The following LRP8 variants were observed in gnomAD, a reference collection of about 807,000 sequenced individuals.
The protein encoded by LRP8 is LDL receptor related protein 8.
Under a neutral mutation model 111.6 loss-of-function variants are expected in LRP8, and 46 were observed. That is an observed-to-expected ratio of 0.41 (90% CI 0.33 to 0.53). The LOEUF (loss-of-function observed/expected upper bound fraction) is 0.53. LRP8 is among the 20% of genes least tolerant of loss of function. The pLI is 0.20. For missense variants in LRP8, 959 were observed against 1,297.4 expected (o/e 0.74, Z 4.01); for synonymous variants, 464 against 511.2 (o/e 0.91, Z 1.24).
At chr1:53,318,214 T>C (rs1427173370) in intron 2 of LRP8, among the ~76,000 whole-genome samples, 1 of 151,238 alleles carries the variant, frequency 6.6e-6, no homozygotes, top group Non-Finnish European at 1.5e-5. Context: ...CTGAGAAGAA[T>C]GAAGGAACAG....
chr1:53,288,791 G>A (rs1195101690), intron 3 of LRP8, among the ~76,000 whole-genome samples: 3 of 152,172 alleles, frequency 2.0e-5, no homozygotes, highest in South Asian at 2.1e-4. Context: ...CTGGACTGCT[G>A]GGTCCTTCCC....
rs940057236 is a variant in LRP8, at chr1:53,243,304, T to C, written c.*3714A>G. The C allele has an allele frequency of 3.3e-5, 5 of 152,180 alleles. No homozygotes were observed. Among genetic ancestry groups the C allele is most frequent in the Admixed American group, 6.5e-5 (1 of 15,280 alleles). The allele number at this position is 152,180 out of a possible 1,614,324, so 9.4% of individuals were successfully genotyped here. A position where few individuals can be genotyped will look rare whatever the true frequency, so the allele number is the denominator to read the frequency against. On this transcript the variant is annotated 3_prime_UTR_variant, in exon 19 of 19. Transcript: ENST00000306052. ...ACATTTTCGTTTTTCTTTCTCACAG[T>C]TGAGAAAATCTAAGAGGCTCTCGAC...
intron 6 of LRP8, chr1:53,274,660 G>A (rs1452444288): frequency 2.2e-6 from 1 of 456,114 alleles, no homozygotes; most frequent in East Asian, 7.0e-5. Flanking sequence ...GGGATGGTAG[G>A]AGACTGAGTC....
intron 1 of LRP8, among the ~76,000 whole-genome samples, 168 bp downstream of exon 1, chr1:53,327,621 G>T (rs1390130971): frequency 3.3e-5 from 5 of 151,356 alleles, no homozygotes; most frequent in Admixed American, 6.5e-5. Context: ...GCCCGCGGGG[G>T]CGGGGGGCCG....
intron 2 of LRP8, chr1:53,291,764 A>G (rs1384780804): frequency 6.6e-6 from 1 of 152,220 alleles, no homozygotes; most frequent in Non-Finnish European, 1.5e-5. Flanking sequence ...GCAGTCAGAG[A>G]CATTAGATAA....
chr1:53,295,401 C>G (rs967485169), intron 2 of LRP8, among the ~76,000 whole-genome samples: 1 of 152,146 alleles, frequency 6.6e-6, no homozygotes, highest in South Asian at 2.1e-4. Context: ...GAGTTGTTCA[C>G]CAAGTTGTGC....
Position 53,291,404 on chromosome 1 carries a change from G to T in LRP8, c.245-1715C>A, listed in dbSNP as rs773591410. Among the ~76,000 whole-genome samples, 4 of 152,200 alleles carry T rather than the reference G, an allele frequency of 2.6e-5. No individual in the cohort carries two copies. In the South Asian group the frequency reaches 6.2e-4, roughly 24 times the overall value. On this transcript the variant is annotated intron_variant, in intron 2 of 18. Coordinates refer to ENST00000306052, the MANE Select transcript of LRP8 (RefSeq NM_004631.5). ...CTTAGAAGTCCCGTGGCCCCAGCCT[G>T]CCCCGCTCCCTCATCTTCCCCTCCT...
At chr1:53,260,970 A>G (rs1373512369) in intron 12 of LRP8, among the ~76,000 whole-genome samples, 1 of 152,184 alleles carries the variant, frequency 6.6e-6, no homozygotes, top group Non-Finnish European at 1.5e-5. Flanking sequence ...TATGAGGGTT[A>G]TGCCTTGCTG....
chr1:53,264,711 G>C (rs56391262), intron 9 of LRP8, among the ~76,000 whole-genome samples: 1,690 of 152,306 alleles, frequency 0.011, 33 homozygotes, highest in African/African-American at 0.039. Flanking sequence ...TGCCTCATCC[G>C]AGAGGGCGGG....
rs1413286928 is a variant in LRP8, at chr1:53,294,993, C to T, written c.245-5304G>A. On this transcript the variant is annotated intron_variant, in intron 2 of 18. Coordinates refer to ENST00000306052, the MANE Select transcript of LRP8 (RefSeq NM_004631.5). This position sits in a 1 kb window ranked among gnomAD's most constrained non-coding sequence, Gnocchi z 4.1. The stretch of plus-strand genomic sequence containing the variant: ...GTCCTGCCGTGTTGGACTCCAGGGT[C>T]TTGAGGCCCCCTACGTGGGTCTCCC... Among the ~76,000 whole-genome samples, 1 of 152,242 alleles carries T rather than the reference C, an allele frequency of 6.6e-6. No homozygotes were observed. Among genetic ancestry groups the T allele is most frequent in the Non-Finnish European group, 1.5e-5 (1 of 68,040 alleles).
At chr1:53,261,593 G>A (rs573091062) in intron 12 of LRP8, among the ~76,000 whole-genome samples, 17 of 152,334 alleles carry the variant, frequency 1.1e-4, no homozygotes, top group African/African-American at 4.1e-4. Flanking sequence ...TTTGCTGGGA[G>A]CTTCTTGAGA....
intron 2 of LRP8, among the ~76,000 whole-genome samples, chr1:53,304,810 G>A (rs1037653137): frequency 6.6e-6 from 1 of 152,220 alleles, no homozygotes; most frequent in Non-Finnish European, 1.5e-5. Flanking sequence ...GGACAGACAT[G>A]GCTGTGGGAG....
Position 53,294,801 on chromosome 1 carries a change from C to G in LRP8, c.245-5112G>C, listed in dbSNP as rs1241636840. ...AATCACTCAGCACTTCTTGGCTTCC[C>G]CCGCCTCCAGAGACATCCTTCCCTG... is the stretch of plus-strand genomic sequence containing the variant. On this transcript the variant is annotated intron_variant, in intron 2 of 18. Coordinates refer to ENST00000306052, the MANE Select transcript of LRP8 (RefSeq NM_004631.5). The surrounding 1 kb of genome is among the most constrained non-coding windows in gnomAD (Gnocchi z 4.1). 6.6e-6 allele frequency among the ~76,000 whole-genome samples: 1 copy of G among 152,224 alleles called. No homozygotes were observed. Among genetic ancestry groups the G allele is most frequent in the African/African-American group, 2.4e-5 (1 of 41,462 alleles).
chr1:53,261,440 T>A (rs1646336360), intron 12 of LRP8, among the ~76,000 whole-genome samples: 1 of 152,160 alleles, frequency 6.6e-6, no homozygotes, highest in Non-Finnish European at 1.5e-5. Context: ...CAGACCATCA[T>A]CCCTTTGCTT....
intron 3 of LRP8, 46 bp from the exon 4 acceptor site, chr1:53,280,761 G>A (rs200390840): frequency 6.9e-6 from 11 of 1,601,966 alleles, no homozygotes; most frequent in Non-Finnish European, 8.5e-6. Flanking sequence ...GGGGGACACA[G>A]GGCATGGTGC....
At chr1:53,258,507 A>G (rs1329610351) in intron 13 of LRP8, 36 bp from the exon 14 acceptor site, 6 of 1,601,094 alleles carry the variant, frequency 3.7e-6, no homozygotes, top group Non-Finnish European at 5.1e-6. Context: ...GGGCACAGAC[A>G]GGACATGCCA....
At position 53,250,698 on chromosome 1, in the gene LRP8, A is replaced by G; in HGVS notation, c.2668T>C (p.Tyr890His). The stretch of plus-strand genomic sequence containing the variant: ...CAGTGAGAAATACTTACTGCAGGAT[A>G]GACATGGCCAATCTGAGCAGTTCTC... Reference protein sequence around the residue: ...IGRTAQIGHVYPAAISSFDRP... With the variant: ...IGRTAQIGHVHPAAISSFDRP... Residue 890 changes from tyrosine (Y) to histidine (H), a missense_variant, in exon 17 of 19, where the codon TAT becomes CAT. Physicochemically the swap from Tyr to His is moderately conservative, Grantham distance 83 (BLOSUM62 2). This residue lies in a region of LRP8 where 819 missense variants were observed against 1,097.6 expected (regional missense o/e 0.75). Transcript: ENST00000306052. This position sits in a 1 kb window ranked among gnomAD's most constrained non-coding sequence, Gnocchi z 4.6. 11 of 1,613,858 alleles carry G rather than the reference A, an allele frequency of 6.8e-6. No homozygotes were observed. Among genetic ancestry groups the G allele is most frequent in the Non-Finnish European group, 9.3e-6 (11 of 1,179,738 alleles).
chr1:53,255,436 G>A (rs765417707), intron 15 of LRP8, among the ~76,000 whole-genome samples: 8 of 152,302 alleles, frequency 5.3e-5, no homozygotes, highest in East Asian at 3.9e-4. Flanking sequence ...AAGTGGCAGA[G>A]CTGGGACTTG....
chr1:53,256,357 C>T (rs1646087522), intron 15 of LRP8, among the ~76,000 whole-genome samples: 1 of 152,380 alleles, frequency 6.6e-6, no homozygotes, highest in South Asian at 2.1e-4. Context: ...ACAGCGAACA[C>T]TGGACAGTGA....
Sources: gnomAD v4.1 joint callset for allele counts (sites outside exome capture counted in the v4.1 genomes callset) on GRCh38, gnomAD v4.1.1 for gene constraint, gnomAD v4.1.1 regional missense constraint, Gnocchi (gnomAD v3.1) non-coding constraint, MANE v1.5 for transcripts, NCBI Gene and HGNC (gene_info 2026-07-23, HGNC 2026-07-21) for gene names.